The following PTPRJ variants were observed in gnomAD, a reference collection of about 807,000 sequenced individuals.
PTPRJ encodes protein tyrosine phosphatase receptor type J, also known as receptor-type tyrosine-protein phosphatase eta.
Under a neutral mutation model 141.3 loss-of-function variants are expected in PTPRJ, and 129 were observed. That is an observed-to-expected ratio of 0.91 (90% CI 0.79 to 1.06). The LOEUF is 1.06. Among genes scored for constraint, PTPRJ ranks in the 50% least tolerant of loss-of-function variants. The pLI, the probability that PTPRJ is intolerant of heterozygous loss-of-function variation, is 0.00. For synonymous variants in PTPRJ, 610 were observed against 640.5 expected, an observed-to-expected ratio of 0.95 and a Z score of 0.72; for missense variants, 1,601 against 1,679.7, an observed-to-expected ratio of 0.95 and a Z score of 0.82.
chr11:48,135,216 C>T (rs554742291), intron 8 of PTPRJ, among the ~76,000 whole-genome samples: 116 of 147,868 alleles, frequency 7.8e-4, no homozygotes, highest in African/African-American at 2.5e-3. Context: ...CTCTTGTTGC[C>T]CAGGCTGGAG....
intron 15 of PTPRJ, among the ~76,000 whole-genome samples, chr11:48,147,939 T>C (rs1247477230): frequency 1.3e-5 from 2 of 151,924 alleles, no homozygotes; most frequent in African/African-American, 4.8e-5. Flanking sequence ...CTCTGCCTCC[T>C]GGTTCAAGTG....
intron 1 of PTPRJ, chr11:48,016,003 A>G (rs1046663811): frequency 1.3e-5 from 2 of 152,138 alleles, no homozygotes; most frequent in Non-Finnish European, 2.9e-5. Context: ...CTGGATTAGG[A>G]TCCACTGCAA....
At chr11:47,998,213 T>C (rs1158223415) in intron 1 of PTPRJ, among the ~76,000 whole-genome samples, 1 of 152,070 alleles carries the variant, frequency 6.6e-6, no homozygotes, top group African/African-American at 2.4e-5. Context: ...CATTTTATCC[T>C]TACAATTATT....
At chr11:48,069,041 C>T (rs935312198) in intron 1 of PTPRJ, among the ~76,000 whole-genome samples, 3 of 151,966 alleles carry the variant, frequency 2.0e-5, no homozygotes, top group Non-Finnish European at 2.9e-5. Context: ...TGAAATCACC[C>T]TAGGAGATGC....
intron 1 of PTPRJ, among the ~76,000 whole-genome samples, chr11:47,997,366 C>A (rs1424229376): frequency 6.6e-6 from 1 of 152,256 alleles, no homozygotes. Flanking sequence ...TGGCCTCATG[C>A]TGGTAGCTGA....
intron 1 of PTPRJ, among the ~76,000 whole-genome samples, chr11:48,077,800 G>C (rs1273453709): frequency 6.6e-6 from 1 of 152,168 alleles, no homozygotes; most frequent in Non-Finnish European, 1.5e-5. Context: ...GACTTCTCCT[G>C]ATTTTTCCCC....
chr11:48,124,893 T>C (rs778238785), intron 5 of PTPRJ, 75 bp from the exon 6 acceptor site: 19 of 1,417,440 alleles, frequency 1.3e-5, no homozygotes, highest in African/African-American at 4.2e-5. Flanking sequence ...TCTGATGGGG[T>C]TGGGGCTCCG....
At chr11:48,070,685 C>T (rs1023616674) in intron 1 of PTPRJ, among the ~76,000 whole-genome samples, 1 of 152,156 alleles carries the variant, frequency 6.6e-6, no homozygotes, top group Admixed American at 6.6e-5. Flanking sequence ...CTGAGTAATA[C>T]GCTTATGCGA....
chr11:48,120,672 C>T (rs920097239), intron 3 of PTPRJ, among the ~76,000 whole-genome samples: 14 of 152,066 alleles, frequency 9.2e-5, no homozygotes, highest in Admixed American at 2.6e-4. Flanking sequence ...CTCCTGACCT[C>T]AGGTGATCCA....
chr11:48,136,732 TA>T (rs1417762185), intron 9 of PTPRJ, among the ~76,000 whole-genome samples: 2 of 152,330 alleles, frequency 1.3e-5, no homozygotes, highest in East Asian at 1.9e-4. Context: ...CTATTAGATT[TA>T]AAAAACAGAT....
chr11:48,163,794 G>A (rs2134389225), intron 23 of PTPRJ, among the ~76,000 whole-genome samples, 176 bp downstream of exon 23: 1 of 152,298 alleles, frequency 6.6e-6, no homozygotes, highest in South Asian at 2.1e-4. Flanking sequence ...ACAGGGGTTG[G>A]CAAACTGTAA....
chr11:48,070,867 CA>C (rs1322806613), intron 1 of PTPRJ, among the ~76,000 whole-genome samples: 1 of 152,206 alleles, frequency 6.6e-6, no homozygotes, highest in Admixed American at 6.5e-5. Flanking sequence ...TTATCAACAA[CA>C]GCAAATATCA....
chr11:48,001,451 C>T (rs553274188), intron 1 of PTPRJ, among the ~76,000 whole-genome samples: 70 of 151,592 alleles, frequency 4.6e-4, no homozygotes, highest in African/African-American at 1.5e-3. Flanking sequence ...GAAAAGAGCA[C>T]AGATCCTTTG....
intron 24 of PTPRJ, 89 bp from the exon 25 acceptor site, chr11:48,167,115 G>A (rs1054440373): frequency 2.4e-5 from 31 of 1,267,410 alleles, no homozygotes; most frequent in Non-Finnish European, 3.0e-5. Context: ...GGAGTTGGGC[G>A]GGGGAATGAC....
Position 48,159,972 on chromosome 11 carries a change from T to A in PTPRJ, c.3481T>A (p.Tyr1161Asn). 1 of 1,613,928 alleles carries A rather than the reference T, an allele frequency of 6.2e-7. No individual in the cohort carries two copies. The highest frequency in any genetic ancestry group is 1.1e-5 in the South Asian group (1 of 91,080). ...TTGGCCCTCCAAGCAGGCTCAGGACTATGGAGACATAACTGTGGCAATGAC... is the reference window on the plus strand; with the variant it reads ...TTGGCCCTCCAAGCAGGCTCAGGACAATGGAGACATAACTGTGGCAATGAC... ...EYWPSKQAQD[Y>N]GDITVAMTSE... Residue 1161 changes from tyrosine to asparagine, a missense_variant, in exon 22 of 25, where the codon TAT (tyrosine) becomes AAT (asparagine). Physicochemically the swap from Tyr to Asn is moderately radical, Grantham distance 143. Coordinates refer to ENST00000418331, the MANE Select transcript of PTPRJ (RefSeq NM_002843.4).
At chr11:48,113,422 G>A (rs1856487818) in intron 3 of PTPRJ, among the ~76,000 whole-genome samples, 1 of 152,138 alleles carries the variant, frequency 6.6e-6, no homozygotes, top group Admixed American at 6.5e-5. Flanking sequence ...GATAATAATG[G>A]TCCTTGGGCC....
chr11:48,032,910 G>T (rs1400558228), intron 1 of PTPRJ, among the ~76,000 whole-genome samples: 1 of 152,018 alleles, frequency 6.6e-6, no homozygotes, highest in African/African-American at 2.4e-5. Context: ...TGGTGGAAGA[G>T]AGACAAATAT....
chr11:48,057,909 G>A (rs1224479139), intron 1 of PTPRJ, among the ~76,000 whole-genome samples: 2 of 148,574 alleles, frequency 1.3e-5, no homozygotes, highest in Non-Finnish European at 3.0e-5. Flanking sequence ...GGGTCTTCCT[G>A]CCTTTTTTTT....
At position 48,139,588 on chromosome 11, in the gene PTPRJ, T is replaced by G. The variant is rs1307534582; in HGVS notation, c.2255T>G (p.Leu752Arg). ...CPPGANAGFELEVSSGAWNNA... is the reference protein window; with the variant it reads ...CPPGANAGFEREVSSGAWNNA... ...CCTGGCGCCAATGCAGGCTTTGAGC[T>G]GGAGGTCAGCAGTGGAGCCTGGAAC... The change falls in exon 11 of 25, where the codon CTG (leucine) becomes CGG (arginine). Residue 752 changes from leucine to arginine, a missense_variant. Transcript: ENST00000418331. 1.2e-6 allele frequency: 2 copies of G among 1,614,134 alleles called. No homozygotes were observed. The highest frequency in any genetic ancestry group is 2.7e-5 in the African/African-American group (2 of 74,954).
Sources: gnomAD v4.1 joint callset for allele counts (sites outside exome capture counted in the v4.1 genomes callset) on GRCh38, gnomAD v4.1.1 for gene constraint, MANE v1.5 for transcripts, NCBI Gene and HGNC (gene_info 2026-07-23, HGNC 2026-07-21) for gene names.